The following DIS3L2 variants were observed in gnomAD, a reference collection of about 807,000 sequenced individuals.
The protein encoded by DIS3L2 is DIS3 like 3'-5' exoribonuclease 2.
DIS3L2 carries 34 observed loss-of-function variants against 97.5 expected under a neutral mutation model. That is an observed-to-expected ratio of 0.35 (90% CI 0.27 to 0.46). The LOEUF is 0.46. DIS3L2 is among the 20% of genes least tolerant of loss of function. The probability of loss-of-function intolerance (pLI) is 1.00; values close to 1 mark genes in which losing one functional copy is unlikely to be tolerated. For synonymous variants in DIS3L2, 435 were observed against 445.2 expected, an observed-to-expected ratio of 0.98 and a Z score of 0.29; for missense variants, 1,038 against 1,146.0, an observed-to-expected ratio of 0.91 and a Z score of 1.36.
chr2:232,333,764 T>A, intron 16 of DIS3L2, 76 bp from the exon 17 acceptor site: 33 of 1,444,462 alleles, frequency 2.3e-5, no homozygotes, highest in South Asian at 1.4e-4. Flanking sequence ...ACGGTGAGGC[T>A]GTGGGTGGTG....
chr2:232,101,027 G>A (rs1697188969), intron 6 of DIS3L2, among the ~76,000 whole-genome samples: 1 of 152,056 alleles, frequency 6.6e-6, no homozygotes, highest in Admixed American at 6.6e-5. Context: ...GTTGAGGTCA[G>A]GAGTTTGAGA....
intron 5 of DIS3L2, among the ~76,000 whole-genome samples, chr2:232,080,030 TCCAA>T (rs1696340340): frequency 6.6e-6 from 1 of 152,178 alleles, no homozygotes; most frequent in African/African-American, 2.4e-5. Context: ...ACTTTATTGG[TCCAA>T]AATGGAAATA....
chr2:232,117,180 C>G (rs1439226721), intron 6 of DIS3L2, among the ~76,000 whole-genome samples: 1 of 152,182 alleles, frequency 6.6e-6, no homozygotes, highest in Non-Finnish European at 1.5e-5. Flanking sequence ...TGGGCCGACC[C>G]TGGTGTAGTG....
At chr2:232,015,418 C>G in intron 2 of DIS3L2, 96 bp from the exon 3 acceptor site, 1 of 1,472,354 alleles carries the variant, frequency 6.8e-7, no homozygotes, top group South Asian at 1.4e-5. Flanking sequence ...TCTTGTTGGT[C>G]TCTTTAAATA....
intron 10 of DIS3L2, among the ~76,000 whole-genome samples, chr2:232,220,211 A>C (rs138277792): frequency 7.9e-5 from 12 of 152,266 alleles, no homozygotes; most frequent in African/African-American, 2.6e-4. Flanking sequence ...TGGGAGGCTG[A>C]GGTGGGAAGA....
intron 9 of DIS3L2, among the ~76,000 whole-genome samples, chr2:232,199,453 C>T (rs550211691): frequency 4.6e-4 from 70 of 152,226 alleles, no homozygotes; most frequent in African/African-American, 1.5e-3. Flanking sequence ...TCTCACCTCC[C>T]CATCCCAGCT....
intron 6 of DIS3L2, among the ~76,000 whole-genome samples, chr2:232,106,973 A>G (rs1010401392): frequency 5.3e-5 from 8 of 152,232 alleles, no homozygotes; most frequent in Admixed American, 2.6e-4. Context: ...ATGCAACCAC[A>G]TGGAAATTAA....
chr2:232,086,659 ATGTGTGTGTGTGTGTGTGT>A (rs1696656005), intron 5 of DIS3L2, among the ~76,000 whole-genome samples: 2 of 92,490 alleles, frequency 2.2e-5, no homozygotes, highest in African/African-American at 8.8e-5. Flanking sequence ...ATATATATAT[ATGTGTGTGTGTGTGTGTGT>A]ATATATATAT....
chr2:232,148,797 A>G (rs1268221565), intron 8 of DIS3L2, among the ~76,000 whole-genome samples: 1 of 125,048 alleles, frequency 8.0e-6, no homozygotes, highest in Non-Finnish European at 1.6e-5. Flanking sequence ...ATCTACACAT[A>G]TGGCAAGCTA....
At chr2:232,243,450 A>G (rs1693161494) in intron 11 of DIS3L2, among the ~76,000 whole-genome samples, 1 of 152,006 alleles carries the variant, frequency 6.6e-6, no homozygotes, top group Non-Finnish European at 1.5e-5. Flanking sequence ...TGGTTGAAGG[A>G]TAGTGAGGCC....
intron 14 of DIS3L2, chr2:232,328,819 C>T (rs1695648864): frequency 6.6e-6 from 1 of 152,220 alleles, no homozygotes; most frequent in South Asian, 2.1e-4. Flanking sequence ...TGGCCCATCA[C>T]AACAGGCTCC....
chr2:232,083,556 A>G (rs3116151), intron 5 of DIS3L2, among the ~76,000 whole-genome samples: 139,966 of 150,416 alleles, frequency 0.93, 65,188 homozygotes, highest in East Asian at 1. Context: ...GTGCAGTGGC[A>G]TGATCTCAGC....
intron 13 of DIS3L2, among the ~76,000 whole-genome samples, chr2:232,286,444 G>T (rs1459901475): frequency 1.3e-5 from 2 of 152,182 alleles, no homozygotes; most frequent in Admixed American, 6.5e-5. Context: ...CCCAGATACT[G>T]CTCAGGTAAA....
chr2:232,185,551 A>G (rs1178149034), intron 9 of DIS3L2, among the ~76,000 whole-genome samples: 1 of 152,150 alleles, frequency 6.6e-6, no homozygotes, highest in Non-Finnish European at 1.5e-5. Flanking sequence ...AAAGAAGAGC[A>G]AGGCTGGGCA....
chr2:232,339,323 G>C (rs1696057458), downstream of DIS3L2, among the ~76,000 whole-genome samples: 1 of 152,240 alleles, frequency 6.6e-6, no homozygotes, highest in South Asian at 2.1e-4. Context: ...TGCAGAAGCA[G>C]CACCAGAGGC....
chr2:232,265,224 C>G (rs1693822542), intron 13 of DIS3L2, among the ~76,000 whole-genome samples: 2 of 152,214 alleles, frequency 1.3e-5, no homozygotes, highest in African/African-American at 4.8e-5. Context: ...TTGTACATCT[C>G]CAGTAATGTC....
chr2:232,022,035 G>T (rs138913202), intron 3 of DIS3L2, among the ~76,000 whole-genome samples: 1 of 152,300 alleles, frequency 6.6e-6, no homozygotes, highest in African/African-American at 2.4e-5. Flanking sequence ...GTTAGGGGAT[G>T]GCTATAGAAA....
intron 6 of DIS3L2, among the ~76,000 whole-genome samples, chr2:232,107,312 C>T (rs1697382337): frequency 6.6e-6 from 1 of 152,062 alleles, no homozygotes; most frequent in East Asian, 1.9e-4. Context: ...TTAAGAAGTC[C>T]AGGAGCTGGT....
chr2:232,244,678 T>C (rs1344549164), intron 11 of DIS3L2, among the ~76,000 whole-genome samples: 1 of 152,154 alleles, frequency 6.6e-6, no homozygotes, highest in Non-Finnish European at 1.5e-5. Flanking sequence ...GGAAGGTTGC[T>C]TGCAACAGAT....
Sources: allele counts gnomAD v4.1 joint callset (sites outside exome capture counted in the v4.1 genomes callset), GRCh38; gene constraint gnomAD v4.1.1; transcripts MANE v1.5; gene names NCBI Gene and HGNC (gene_info 2026-07-23, HGNC 2026-07-21).